SRP9: variants seen among roughly 807,000 people sequenced by gnomAD.
SRP9 encodes the protein signal recognition particle 9.
Under a neutral mutation model 11.7 loss-of-function variants are expected in SRP9, and 2 were observed. That is an observed-to-expected ratio of 0.17 (90% CI 0.07 to 0.54). The LOEUF (loss-of-function observed/expected upper bound fraction) is 0.54, where lower values mean the gene tolerates loss of function less well. Among genes scored for constraint, SRP9 ranks in the 20% least tolerant of loss-of-function variants. The probability of loss-of-function intolerance (pLI) is 0.94; values close to 1 mark genes in which losing one functional copy is unlikely to be tolerated. For synonymous variants in SRP9, 27 were observed against 35.6 expected, an observed-to-expected ratio of 0.76 and a Z score of 0.86; for missense variants, 54 against 108.1, an observed-to-expected ratio of 0.50 and a Z score of 2.22.
intron 1 of SRP9, 42 bp downstream of exon 1, chr1:225,778,054 G>C (rs776554693): frequency 6.2e-7 from 1 of 1,609,544 alleles, no homozygotes; most frequent in Non-Finnish European, 8.5e-7. Context: ...CCCAGCCCAG[G>C]ATGTCTTCCC....
chr1:225,785,884 T>C (rs1320783069), intron 2 of SRP9, among the ~76,000 whole-genome samples: 1 of 152,078 alleles, frequency 6.6e-6, no homozygotes, highest in Non-Finnish European at 1.5e-5. Flanking sequence ...GATTTCACCA[T>C]GTCGCCCAGG....
intron 1 of SRP9, among the ~76,000 whole-genome samples, chr1:225,781,395 CTTTTTTTTTTTT>C (rs11315558): frequency 1.3e-4 from 11 of 87,818 alleles, no homozygotes; most frequent in African/African-American, 5.3e-4. Flanking sequence ...TTTTCTTTTT[CTTTTTTTTTTTT>C]TTTTTTTTTG....
intron 1 of SRP9, among the ~76,000 whole-genome samples, chr1:225,778,240 C>G (rs911397835): frequency 3.3e-5 from 5 of 152,244 alleles, no homozygotes; most frequent in Admixed American, 2.0e-4. Flanking sequence ...CTAAACATTT[C>G]TGCAATCGAT....
rs571488816 is a variant in SRP9 at position 225,779,128 on chromosome 1, C to CTT, written c.72+1130_72+1131dup. Among the ~76,000 whole-genome samples, 278 of 136,790 alleles carry CTT rather than the reference C, an allele frequency of 2.0e-3. 1 individual carries two copies. In the East Asian group the frequency reaches 0.039, roughly 19 times the overall value. 89.7% of individuals were successfully genotyped at this position (136,790 alleles called of 152,430 possible). On this transcript the variant is annotated intron_variant, in intron 1 of 2. Transcript: ENST00000304786. ...ATCTCGGAAAACCGGGGCTCAGGAT[C>CTT]TTTTTTTTTTTTTTTCAATAGTTTT... is the stretch of plus-strand genomic sequence containing the variant.
At chr1:225,779,183 C>G (rs1665746740) in intron 1 of SRP9, among the ~76,000 whole-genome samples, 2 of 148,348 alleles carry the variant, frequency 1.3e-5, no homozygotes, top group Non-Finnish European at 3.0e-5. Flanking sequence ...CTCGCACTGT[C>G]GCCCGGACTG....
At position 225,789,689 on chromosome 1, in the gene SRP9, C is replaced by A; in HGVS notation, c.*330C>A. 5.4e-6 allele frequency: 1 copy of A among 183,652 alleles called. No individual in the cohort carries two copies. Among genetic ancestry groups the A allele is most frequent in the South Asian group, 1.2e-4 (1 of 8,160 alleles). 11.4% of individuals were successfully genotyped at this position (183,652 alleles called of 1,614,324 possible). On this transcript the variant is annotated 3_prime_UTR_variant, in exon 3 of 3. Coordinates refer to ENST00000304786, the MANE Select transcript of SRP9 (RefSeq NM_003133.6). ...AATGAGATATTAGGAAAAACCAATT[C>A]TTCTTAAATTTAGTTCATCTTTCTT...
rs138611908 is a variant in SRP9, at chr1:225,783,359, T to C, written c.132T>C (p.Asp44=). The change falls in exon 2 of 3, where the codon GAT becomes GAC. Residue 44 remains aspartate, a synonymous_variant. Coordinates refer to ENST00000304786, the MANE Select transcript of SRP9 (RefSeq NM_003133.6). ...SDGNLCVKVT[D]DLVCLVYKTD... Reference sequence around the variant, plus strand: ...GGAACTTGTGTGTTAAAGTAACAGATGATTTAGTTGTAAGTATACATTTTT... The same window carrying C: ...GGAACTTGTGTGTTAAAGTAACAGACGATTTAGTTGTAAGTATACATTTTT... 3.1e-6 allele frequency: 5 copies of C among 1,609,480 alleles called. No homozygotes were observed. The highest frequency in any genetic ancestry group is 4.2e-6 in the Non-Finnish European group (5 of 1,176,486).
intron 1 of SRP9, among the ~76,000 whole-genome samples, chr1:225,779,063 T>G (rs1265012795): frequency 6.6e-6 from 1 of 152,076 alleles, no homozygotes; most frequent in Non-Finnish European, 1.5e-5. Flanking sequence ...GTATTGTGAC[T>G]GTATCCCTCG....
chr1:225,787,216 A>G (rs1016010418), intron 2 of SRP9, among the ~76,000 whole-genome samples: 3 of 152,148 alleles, frequency 2.0e-5, no homozygotes, highest in Non-Finnish European at 4.4e-5. Context: ...CTTGCTGAAG[A>G]AAAACCCCTA....
intron 1 of SRP9, among the ~76,000 whole-genome samples, chr1:225,779,647 A>G (rs1444537816): frequency 1.3e-5 from 2 of 152,350 alleles, no homozygotes; most frequent in South Asian, 2.1e-4. Context: ...CTAGCTAAGT[A>G]ACAAGCTGTA....
At chr1:225,781,966 A>G (rs1665808640) in intron 1 of SRP9, among the ~76,000 whole-genome samples, 1 of 152,104 alleles carries the variant, frequency 6.6e-6, no homozygotes, top group African/African-American at 2.4e-5. Flanking sequence ...CAAATCGCAT[A>G]TAGTGATGTA....
chr1:225,777,910 G>T lies in SRP9; in HGVS notation c.-31G>T, dbSNP rs754664714. The stretch of plus-strand genomic sequence containing the variant: ...TTGTTGGGCCGGGTTCTGAGGCCTT[G>T]CTTCTCTTTACTTTTCCACTCTAGG... On this transcript the variant is annotated 5_prime_UTR_variant, in exon 1 of 3. Transcript: ENST00000304786. 3 of 1,602,912 alleles carry T rather than the reference G, an allele frequency of 1.9e-6. No individual in the cohort carries two copies. In the African/African-American group the frequency reaches 4.0e-5, roughly 21 times the overall value.
In SRP9 at chr1:225,789,452, A is replaced by G; in HGVS notation, c.*93A>G. On this transcript the variant is annotated 3_prime_UTR_variant, in exon 3 of 3. Transcript: ENST00000304786. Reference sequence around the variant, plus strand: ...GGGACAGAAAGTACTTTATGTAACTAAGTGGGCTGTTCAGAAGCTTAGAGG... The same window carrying G: ...GGGACAGAAAGTACTTTATGTAACTGAGTGGGCTGTTCAGAAGCTTAGAGG... 5.5e-6 allele frequency: 8 copies of G among 1,444,762 alleles called. No individual in the cohort carries two copies. The highest frequency in any genetic ancestry group is 7.5e-6 in the Non-Finnish European group (8 of 1,071,248). The allele number at this position is 1,444,762 out of a possible 1,614,324, so 89.5% of individuals were successfully genotyped here. A position where few individuals can be genotyped will look rare whatever the true frequency, so the allele number is the denominator to read the frequency against.
intron 1 of SRP9, among the ~76,000 whole-genome samples, chr1:225,781,620 G>A (rs920532286): frequency 7.2e-5 from 11 of 151,810 alleles, no homozygotes; most frequent in Non-Finnish European, 1.3e-4. Context: ...GACTGGTCTC[G>A]AACTCCTGAC....
intron 2 of SRP9, among the ~76,000 whole-genome samples, chr1:225,784,921 G>A (rs1197238840): frequency 6.6e-6 from 1 of 152,060 alleles, no homozygotes; most frequent in Non-Finnish European, 1.5e-5. Context: ...CACGTGGTCA[G>A]AAATCTGGGG....
At chr1:225,786,715 G>T (rs1665923232) in intron 2 of SRP9, 3 of 1,025,474 alleles carry the variant, frequency 2.9e-6, no homozygotes, top group Non-Finnish European at 3.7e-6. Flanking sequence ...TAGCCTTCTG[G>T]TCTCAATTTC....
At chr1:225,782,419 C>T (rs966608234) in intron 1 of SRP9, among the ~76,000 whole-genome samples, 1 of 152,140 alleles carries the variant, frequency 6.6e-6, no homozygotes, top group Admixed American at 6.5e-5. Context: ...CCGCCTTGGC[C>T]TCCCAAAGTG....
intron 2 of SRP9, chr1:225,787,046 A>G (rs1665932082): frequency 6.4e-6 from 2 of 313,210 alleles, no homozygotes; most frequent in African/African-American, 4.5e-5. Context: ...GTCTCATTAT[A>G]TTGCCCAGGT....
chr1:225,778,948 TACTG>T (rs1028478300), intron 1 of SRP9, among the ~76,000 whole-genome samples: 24 of 152,246 alleles, frequency 1.6e-4, no homozygotes, highest in Admixed American at 5.2e-4. Context: ...ACTCTCGTGT[TACTG>T]ACCCCAAGTT....
Sources: gnomAD v4.1 joint callset for allele counts (sites outside exome capture counted in the v4.1 genomes callset) on GRCh38, gnomAD v4.1.1 for gene constraint, MANE v1.5 for transcripts, NCBI Gene and HGNC (gene_info 2026-07-23, HGNC 2026-07-21) for gene names.